NTNG1: variants seen among roughly 807,000 people sequenced by gnomAD.
The protein encoded by NTNG1 is netrin G1, also known as netrin-G1.
Under a neutral mutation model 54.0 loss-of-function variants are expected in NTNG1, and 16 were observed. The observed-to-expected ratio is 0.30, with a 90% CI of 0.20 to 0.45. The LOEUF is 0.45. Among genes scored for constraint, NTNG1 ranks in the 20% least tolerant of loss-of-function variants. The pLI, the probability that NTNG1 is intolerant of heterozygous loss-of-function variation, is 1.00. For missense variants in NTNG1, 530 were observed against 678.7 expected, an observed-to-expected ratio of 0.78 and a Z score of 2.43; for synonymous variants, 255 against 263.1, an observed-to-expected ratio of 0.97 and a Z score of 0.30.
intron 2 of NTNG1, among the ~76,000 whole-genome samples, chr1:107,169,923 G>A (rs1051201681): frequency 6.6e-6 from 1 of 152,196 alleles, no homozygotes; most frequent in African/African-American, 2.4e-5. Context: ...GAACTCTTGT[G>A]CACAGACTAA....
At chr1:107,239,553 T>C (rs1463650290) in intron 2 of NTNG1, among the ~76,000 whole-genome samples, 1 of 152,244 alleles carries the variant, frequency 6.6e-6, no homozygotes, top group African/African-American at 2.4e-5. Context: ...TTAAATCCTA[T>C]CATTCTGAAA....
At chr1:107,356,705 G>A (rs971043934) in intron 3 of NTNG1, among the ~76,000 whole-genome samples, 5 of 149,422 alleles carry the variant, frequency 3.3e-5, no homozygotes, top group African/African-American at 9.8e-5. Context: ...TATCCTTTGG[G>A]TATAGGAATT....
chr1:107,437,939 A>T (rs1370514439), intron 7 of NTNG1, among the ~76,000 whole-genome samples: 2 of 152,168 alleles, frequency 1.3e-5, no homozygotes, highest in African/African-American at 4.8e-5. Flanking sequence ...TTCACTTGAA[A>T]CAAATGTCAG....
intron 2 of NTNG1, among the ~76,000 whole-genome samples, chr1:107,314,818 A>C (rs1392379113): frequency 6.6e-6 from 1 of 152,228 alleles, no homozygotes; most frequent in Non-Finnish European, 1.5e-5. Context: ...GCTCAAATTT[A>C]TTAAATTTAG....
rs1049026810 is a variant in NTNG1, at chr1:107,254,506, T to G, written c.247-69776T>G. 4.6e-5 allele frequency among the ~76,000 whole-genome samples: 7 copies of G among 152,366 alleles called. No individual in the cohort carries two copies. In the Middle Eastern group the frequency reaches 0.01, roughly 222 times the overall value. The stretch of plus-strand genomic sequence containing the variant: ...AATGGGGCTCAAGAGCTCCCCGGGC[T>G]CCTTCTGAAGAATCCACACCACTGC... On this transcript the variant is annotated intron_variant, in intron 2 of 7. Transcript: ENST00000370068.
At chr1:107,475,031 T>C (rs1289372561) in intron 7 of NTNG1, among the ~76,000 whole-genome samples, 1 of 152,244 alleles carries the variant, frequency 6.6e-6, no homozygotes, top group Non-Finnish European at 1.5e-5. Context: ...CTGTATGAGC[T>C]GATTTGTACT....
intron 2 of NTNG1, among the ~76,000 whole-genome samples, chr1:107,264,816 CA>C (rs779314745): frequency 1.3e-5 from 2 of 152,162 alleles, no homozygotes; most frequent in Non-Finnish European, 2.9e-5. Context: ...TCACTCTGTA[CA>C]GCTGTCCTTG....
Position 107,286,269 on chromosome 1 carries a change from A to G in NTNG1, c.247-38013A>G, listed in dbSNP as rs528754667. ...TTCAGCGTGGCATTTTTGGTCTGCTACTTGCTAAATGAGTAAGATCTGAGG... is the reference window on the plus strand; with the variant it reads ...TTCAGCGTGGCATTTTTGGTCTGCTGCTTGCTAAATGAGTAAGATCTGAGG... On this transcript the variant is annotated intron_variant, in intron 2 of 7. Coordinates refer to ENST00000370068, the MANE Select transcript of NTNG1 (RefSeq NM_001113226.3). 2.0e-5 allele frequency among the ~76,000 whole-genome samples: 3 copies of G among 152,272 alleles called. No homozygotes were observed. In the East Asian group the frequency reaches 5.8e-4, roughly 29 times the overall value.
intron 2 of NTNG1, among the ~76,000 whole-genome samples, chr1:107,210,040 G>A (rs1042465630): frequency 4.6e-5 from 7 of 152,056 alleles, no homozygotes; most frequent in Non-Finnish European, 1.0e-4. Context: ...AAGAAGGAGA[G>A]GAGCATCACA....
rs534069938 is a variant in NTNG1 at position 107,188,174 on chromosome 1, C to T, written c.246+39335C>T. Among the ~76,000 whole-genome samples the T allele has an allele frequency of 5.5e-4, 83 of 151,932 alleles. 1 individual carries two copies. The South Asian group carries it at 0.016, about 30-fold the overall frequency. On this transcript the variant is annotated intron_variant, in intron 2 of 7. Coordinates refer to ENST00000370068, the MANE Select transcript of NTNG1 (RefSeq NM_001113226.3). The stretch of plus-strand genomic sequence containing the variant: ...TTTTTAAATCAACAGTTCCGTAGTC[C>T]TGATTGATGTGAAGCGACAATAGAT...
intron 2 of NTNG1, among the ~76,000 whole-genome samples, chr1:107,169,615 A>G (rs753297476): frequency 8.5e-5 from 13 of 152,150 alleles, no homozygotes; most frequent in Non-Finnish European, 1.8e-4. Flanking sequence ...AAAATCTTAC[A>G]AATAAGTGAG....
At chr1:107,302,278 C>G (rs1032383060) in intron 2 of NTNG1, among the ~76,000 whole-genome samples, 1 of 152,038 alleles carries the variant, frequency 6.6e-6, no homozygotes, top group Non-Finnish European at 1.5e-5. Flanking sequence ...TAAGATAGGT[C>G]TGCCCCATAA....
intron 2 of NTNG1, among the ~76,000 whole-genome samples, chr1:107,189,228 G>A (rs1054476045): frequency 5.3e-5 from 8 of 151,596 alleles, no homozygotes; most frequent in African/African-American, 1.9e-4. Flanking sequence ...GTTCACGCCT[G>A]TAGTTCCACC....
At chr1:107,271,881 A>T (rs1002935124) in intron 2 of NTNG1, among the ~76,000 whole-genome samples, 1 of 152,180 alleles carries the variant, frequency 6.6e-6, no homozygotes, top group Admixed American at 6.5e-5. Flanking sequence ...AATGCATTTT[A>T]AAAAATGACA....
At chr1:107,396,802 T>A (rs1225962644) in intron 4 of NTNG1, among the ~76,000 whole-genome samples, 1 of 152,184 alleles carries the variant, frequency 6.6e-6, no homozygotes, top group Non-Finnish European at 1.5e-5. Flanking sequence ...AAGAGTGTGA[T>A]GTTCACAAAC....
intron 5 of NTNG1, among the ~76,000 whole-genome samples, chr1:107,429,552 G>GTGTTCTTTATT (rs1278209061): frequency 6.6e-6 from 1 of 152,064 alleles, no homozygotes; most frequent in Non-Finnish European, 1.5e-5. Context: ...ATGAAAGAAT[G>GTGTTCTTTATT]AATGAATGTG....
chr1:107,453,120 T>C (rs1286954072), intron 7 of NTNG1, among the ~76,000 whole-genome samples: 1 of 152,224 alleles, frequency 6.6e-6, no homozygotes, highest in Non-Finnish European at 1.5e-5. Flanking sequence ...GTCTCAACAG[T>C]GGTCAGCATT....
At chr1:107,358,665 G>GAA (rs200994855) in intron 3 of NTNG1, among the ~76,000 whole-genome samples, 3 of 142,894 alleles carry the variant, frequency 2.1e-5, no homozygotes, top group South Asian at 2.2e-4. Context: ...ATCATTCCAG[G>GAA]AAAAAAAAAA....
chr1:107,152,802 T>C (rs1654678784), intron 2 of NTNG1, among the ~76,000 whole-genome samples: 1 of 152,198 alleles, frequency 6.6e-6, no homozygotes, highest in African/African-American at 2.4e-5. Flanking sequence ...TGCCTTTAAT[T>C]ACAAGTAGAC....
Sources: allele counts gnomAD v4.1 joint callset (sites outside exome capture counted in the v4.1 genomes callset), GRCh38; gene constraint gnomAD v4.1.1; transcripts MANE v1.5; gene names NCBI Gene and HGNC (gene_info 2026-07-23, HGNC 2026-07-21).